APOL5: variants seen among roughly 807,000 people sequenced by gnomAD.
APOL5 encodes apolipoprotein L5.
In APOL5, 29 loss-of-function variants were observed where a neutral mutation model predicts 35.5. That is an observed-to-expected ratio of 0.82 (90% confidence interval 0.61 to 1.11). APOL5 has a LOEUF of 1.11. APOL5 is among the 50% of genes most tolerant of loss of function. The probability of loss-of-function intolerance (pLI) is 0.00; values close to 1 mark genes in which losing one functional copy is unlikely to be tolerated. For missense variants in APOL5, 514 were observed against 530.4 expected (o/e 0.97, Z 0.30); for synonymous variants, 188 against 200.2 (o/e 0.94, Z 0.51).
intron 2 of APOL5, among the ~76,000 whole-genome samples, chr22:35,721,908 A>G (rs557163448): frequency 2.0e-5 from 3 of 152,346 alleles, no homozygotes; most frequent in African/African-American, 4.8e-5. Context: ...TGCTCCCGCA[A>G]TTTATAGCAA....
upstream of APOL5, chr22:35,717,738 C>CAAAA (rs71322979): frequency 0.024 from 4,482 of 189,638 alleles, 17 homozygotes; most frequent in East Asian, 0.051. Context: ...AGCTCCATCG[C>CAAAA]AAAAAAAAAA....
Position 35,726,629 on chromosome 22 carries a change from A to G in APOL5, c.561A>G (p.Thr187=). The G allele has an allele frequency of 1.2e-6, 2 of 1,614,238 alleles. No homozygotes were observed. Among genetic ancestry groups the G allele is most frequent in the Admixed American group, 3.3e-5 (2 of 60,028 alleles). ...GAAAAITNIV[T]NVLENRSNSA... ...CAGCTGCCATCACCAACATAGTAAC[A>G]AATGTCTTAGAAAATAGAAGCAATT... Residue 187 remains threonine, a synonymous_variant, in exon 3 of 5, where the codon ACA becomes ACG. Transcript: ENST00000249044.
upstream of APOL5, among the ~76,000 whole-genome samples, chr22:35,713,441 C>T (rs1333182819): frequency 6.6e-6 from 1 of 152,172 alleles, no homozygotes; most frequent in Non-Finnish European, 1.5e-5. Context: ...TTCCTCAACC[C>T]CTCCACCTAC....
chr22:35,709,108 T>C, the APOL5 span, among the ~76,000 whole-genome samples: 1 of 152,142 alleles, frequency 6.6e-6, no homozygotes, highest in Admixed American at 6.5e-5. Context: ...TTACCATGGG[T>C]GGTGGACTTG....
chr22:35,711,598 T>TTTTCCTTCCTTCTTTCCTTCCTTCCTTC, the APOL5 span, among the ~76,000 whole-genome samples: 2 of 95,892 alleles, frequency 2.1e-5, no homozygotes, highest in South Asian at 3.7e-4. Flanking sequence ...TTCACCATGT[T>TTTTCCTTCCTTCTTTCCTTCCTTCCTTC]TTTCCTTCCT....
At chr22:35,727,231 T>C in intron 3 of APOL5, 37 bp downstream of exon 3, 1 of 1,566,398 alleles carries the variant, frequency 6.4e-7, no homozygotes, top group South Asian at 1.2e-5. Context: ...GTGGTCTTGC[T>C]CTTCTAAAAG....
At chr22:35,710,154 G>T in the APOL5 span, among the ~76,000 whole-genome samples, 2 of 95,496 alleles carry the variant, frequency 2.1e-5, no homozygotes, top group African/African-American at 4.3e-5. Flanking sequence ...ACAGAGTCTT[G>T]CTCTGTTGCC....
Position 35,728,941 on chromosome 22 carries a change from C to A in APOL5, c.*6+37C>A, listed in dbSNP as rs180727140. ...GCAAGGAAGCCAGGAGCTGTGGGAACCCCTGACAGTGAAGTAACCCCTCCT... is the reference window on the plus strand; with the variant it reads ...GCAAGGAAGCCAGGAGCTGTGGGAAACCCTGACAGTGAAGTAACCCCTCCT... On this transcript the variant is annotated intron_variant, in intron 4 of 4. Transcript: ENST00000249044. The A allele has an allele frequency of 5.3e-5, 82 of 1,537,280 alleles. No homozygotes were observed. The African/African-American group carries it at 8.0e-4, about 15-fold the overall frequency.
At chr22:35,721,314 G>A (rs1926963772) in intron 2 of APOL5, among the ~76,000 whole-genome samples, 1 of 152,134 alleles carries the variant, frequency 6.6e-6, no homozygotes, top group African/African-American at 2.4e-5. Flanking sequence ...AGGCCAAGGT[G>A]GGCGGATCGC....
intron 4 of APOL5, among the ~76,000 whole-genome samples, 197 bp from the exon 5 acceptor site, chr22:35,729,157 A>G (rs959246289): frequency 6.6e-6 from 1 of 152,308 alleles, no homozygotes; most frequent in African/African-American, 2.4e-5. Flanking sequence ...ACAAATCTCA[A>G]TTGGGCACAC....
intron 2 of APOL5, among the ~76,000 whole-genome samples, chr22:35,724,385 T>A (rs902354845): frequency 6.6e-6 from 1 of 152,038 alleles, no homozygotes. Flanking sequence ...CCACCTTTTT[T>A]TTTTTTTTAA....
the APOL5 span, among the ~76,000 whole-genome samples, chr22:35,712,163 C>T: frequency 9.6e-3 from 1,463 of 151,972 alleles, 28 homozygotes; most frequent in African/African-American, 0.033. Context: ...GTGCATCATA[C>T]CTGGCTAATT....
intron 3 of APOL5, among the ~76,000 whole-genome samples, chr22:35,728,027 T>C (rs140073749): frequency 2.6e-5 from 4 of 152,212 alleles, no homozygotes; most frequent in Non-Finnish European, 4.4e-5. Context: ...GTTCATTCAC[T>C]CATTGTCCAT....
chr22:35,728,986 G>T, intron 4 of APOL5, 82 bp downstream of exon 4: 57 of 1,369,742 alleles, frequency 4.2e-5, no homozygotes, highest in Non-Finnish European at 3.4e-5. Flanking sequence ...GGGCTTCAGG[G>T]AAAGAGAGGG....
At chr22:35,724,672 G>A (rs112401908) in intron 2 of APOL5, among the ~76,000 whole-genome samples, 6,649 of 151,840 alleles carry the variant, frequency 0.044, 190 homozygotes, top group Middle Eastern at 0.085. Context: ...GCTATGGCGC[G>A]ATCTCGGCTC....
chr22:35,710,354 C>G, the APOL5 span, among the ~76,000 whole-genome samples: 1 of 150,386 alleles, frequency 6.6e-6, no homozygotes, highest in South Asian at 2.1e-4. Flanking sequence ...GTTGTCCAGG[C>G]TGGTCTTGAA....
intron 1 of APOL5, among the ~76,000 whole-genome samples, chr22:35,718,553 C>T (rs1926843422): frequency 7.2e-6 from 1 of 139,810 alleles, no homozygotes; most frequent in Non-Finnish European, 1.5e-5. Flanking sequence ...GAGATCGCGC[C>T]ATTGCACTGC....
At chr22:35,708,672 G>T in the APOL5 span, among the ~76,000 whole-genome samples, 2 of 152,134 alleles carry the variant, frequency 1.3e-5, no homozygotes, top group Non-Finnish European at 2.9e-5. Context: ...ATAAATATAC[G>T]CTTTCCTCTG....
the APOL5 span, among the ~76,000 whole-genome samples, chr22:35,712,837 T>A: frequency 6.6e-6 from 1 of 152,228 alleles, no homozygotes; most frequent in African/African-American, 2.4e-5. Context: ...ATTGGCAGTT[T>A]TCAGATTGTT....
Sources: allele counts gnomAD v4.1 joint callset (sites outside exome capture counted in the v4.1 genomes callset), GRCh38; gene constraint gnomAD v4.1.1; transcripts MANE v1.5; gene names NCBI Gene and HGNC (gene_info 2026-07-23, HGNC 2026-07-21).